The following SLC14A2 variants were observed in gnomAD, a reference collection of about 807,000 sequenced individuals.
The protein encoded by SLC14A2 is urea transporter 2.
Under a neutral mutation model 104.6 loss-of-function variants are expected in SLC14A2, and 91 were observed. The ratio of observed to expected loss-of-function variants is 0.87; its 90% confidence interval spans 0.73 to 1.04. SLC14A2 has a LOEUF of 1.04. Ranked by LOEUF, SLC14A2 falls within the 50% of genes least tolerant of loss-of-function variation. SLC14A2 has a pLI of 0.00. For synonymous variants in SLC14A2, 476 were observed against 466.4 expected (o/e 1.02, Z -0.27); for missense variants, 1,189 against 1,156.0 (o/e 1.03, Z -0.41).
chr18:45,270,982 T>A (rs2084645372), intron 1 of SLC14A2, among the ~76,000 whole-genome samples: 1 of 152,184 alleles, frequency 6.6e-6, no homozygotes, highest in Non-Finnish European at 1.5e-5. Flanking sequence ...TTCAGCAGGA[T>A]ATCAGTAAAT....
chr18:45,236,578 CAT>C (rs146423698), intron 1 of SLC14A2, among the ~76,000 whole-genome samples: 1,890 of 72,688 alleles, frequency 0.026, 278 homozygotes, highest in Non-Finnish European at 0.039. Context: ...TGTATATATA[CAT>C]ATATATATGG....
chr18:45,445,889 A>G (rs2542981), intron 1 of SLC14A2, among the ~76,000 whole-genome samples: 129,179 of 152,224 alleles, frequency 0.85, 54,832 homozygotes, highest in South Asian at 0.93. Flanking sequence ...CCACATTAGT[A>G]ACACGTGGAA....
At chr18:45,442,519 A>G (rs533386187) in intron 1 of SLC14A2, among the ~76,000 whole-genome samples, 1 of 152,322 alleles carries the variant, frequency 6.6e-6, no homozygotes, top group Non-Finnish European at 1.5e-5. Context: ...GTATGTCTCT[A>G]TATCCAAATT....
At chr18:45,342,951 T>C (rs1367856849) in intron 1 of SLC14A2, among the ~76,000 whole-genome samples, 1 of 152,164 alleles carries the variant, frequency 6.6e-6, no homozygotes, top group African/African-American at 2.4e-5. Context: ...TATTCAGACC[T>C]TTAATCAGTC....
chr18:45,612,312 T>C (rs574024504), upstream of SLC14A2, among the ~76,000 whole-genome samples: 4 of 152,344 alleles, frequency 2.6e-5, no homozygotes, highest in Non-Finnish European at 5.9e-5. Flanking sequence ...CAGAATATTA[T>C]GTGCCCATGA....
At chr18:45,297,748 C>G (rs1176882749) in intron 1 of SLC14A2, among the ~76,000 whole-genome samples, 1 of 152,152 alleles carries the variant, frequency 6.6e-6, no homozygotes, top group East Asian at 1.9e-4. Context: ...TGACCAGAGA[C>G]ACCATTCCCG....
chr18:45,664,675 AC>A (rs1444280801), intron 11 of SLC14A2, among the ~76,000 whole-genome samples: 2 of 152,150 alleles, frequency 1.3e-5, no homozygotes, highest in African/African-American at 4.8e-5. Context: ...TGCCTGAATG[AC>A]CTTCTTCCTC....
At position 45,625,768 on chromosome 18, in the gene SLC14A2, C is replaced by A; in HGVS notation, c.236C>A (p.Ala79Asp). 1 of 1,562,452 alleles carries A rather than the reference C, an allele frequency of 6.4e-7. No individual in the cohort carries two copies. The highest frequency in any genetic ancestry group is 2.5e-5 in the East Asian group (1 of 40,738). The change falls in exon 3 of 20, where the codon GCC becomes GAC. Residue 79 changes from alanine to aspartate, a missense_variant. Transcript: ENST00000255226. ...ERSKRKDDGV[A>D]HRDSAGQRCI... ...AGTAAAAGGAAAGACGACGGGGTGGCCCATCGGGACTCAGCAGGCCAAAGG... is the reference window on the plus strand; with the variant it reads ...AGTAAAAGGAAAGACGACGGGGTGGACCATCGGGACTCAGCAGGCCAAAGG...
At chr18:45,572,433 A>ATCTT (rs2044360899) in intron 2 of SLC14A2, among the ~76,000 whole-genome samples, 1 of 152,266 alleles carries the variant, frequency 6.6e-6, no homozygotes, top group South Asian at 2.1e-4. Context: ...TAGTCCCAAC[A>ATCTT]TCTTTTCCAA....
At chr18:45,177,548 C>G in the SLC14A2 span, among the ~76,000 whole-genome samples, 1 of 152,202 alleles carries the variant, frequency 6.6e-6, no homozygotes, top group East Asian at 1.9e-4. Flanking sequence ...TCCTGTTTCC[C>G]GCATCTGGAA....
chr18:45,427,815 G>C lies in SLC14A2; in HGVS notation c.-124-55418G>C, dbSNP rs150985193. Among the ~76,000 whole-genome samples the C allele has an allele frequency of 7.7e-4, 117 of 152,290 alleles. 1 individual carries two copies. Among genetic ancestry groups the C allele is most frequent in the Non-Finnish European group, 1.1e-3 (76 of 68,020 alleles). ...GTGTGTTACCAAGAGGACAGGGCAA[G>C]CAGGAGATCCTGGCATCAGGTTCTA... On this transcript the variant is annotated intron_variant, in intron 1 of 20. Coordinates refer to the SLC14A2 transcript ENST00000586448.
chr18:45,414,757 A>AAAAAAAAAAATAT (rs1360051908), intron 1 of SLC14A2, among the ~76,000 whole-genome samples: 48 of 76,078 alleles, frequency 6.3e-4, no homozygotes, highest in Non-Finnish European at 8.1e-4. Context: ...AAAAAAAAAA[A>AAAAAAAAAAATAT]ATATATATAT....
chr18:45,388,931 A>C (rs1212621855), intron 1 of SLC14A2, among the ~76,000 whole-genome samples: 1 of 152,252 alleles, frequency 6.6e-6, no homozygotes, highest in Non-Finnish European at 1.5e-5. Context: ...TGAAGATTTT[A>C]AAATATTGAA....
chr18:45,255,768 A>G (rs2084470902), intron 1 of SLC14A2, among the ~76,000 whole-genome samples: 1 of 152,062 alleles, frequency 6.6e-6, no homozygotes, highest in South Asian at 2.1e-4. Context: ...AGCAGGGGGA[A>G]AATATATATA....
At chr18:45,412,011 CT>C (rs1360850441) in intron 1 of SLC14A2, among the ~76,000 whole-genome samples, 1 of 152,202 alleles carries the variant, frequency 6.6e-6, no homozygotes, top group Non-Finnish European at 1.5e-5. Flanking sequence ...TTCCTTTCTC[CT>C]TCCATCCTGG....
chr18:45,611,247 T>A (rs1275485160), upstream of SLC14A2, among the ~76,000 whole-genome samples: 1 of 152,230 alleles, frequency 6.6e-6, no homozygotes, highest in Non-Finnish European at 1.5e-5. Flanking sequence ...AAGAAGCTCT[T>A]AGGACAGCAT....
chr18:45,407,494 G>A (rs937844111), intron 1 of SLC14A2, among the ~76,000 whole-genome samples: 6 of 152,228 alleles, frequency 3.9e-5, no homozygotes, highest in Non-Finnish European at 7.4e-5. Context: ...ATCATTCGTG[G>A]GTTCACTGGA....
chr18:45,370,665 G>A (rs1022224142), intron 1 of SLC14A2, among the ~76,000 whole-genome samples: 6 of 151,982 alleles, frequency 3.9e-5, no homozygotes, highest in Non-Finnish European at 7.4e-5. Context: ...TGCACTTCAC[G>A]CGGGACCCAT....
intron 1 of SLC14A2, among the ~76,000 whole-genome samples, chr18:45,219,689 T>C (rs2084043194): frequency 6.6e-6 from 1 of 152,252 alleles, no homozygotes; most frequent in South Asian, 2.1e-4. Context: ...AGTAAATTTC[T>C]TATTGTTTGT....
Sources: allele counts gnomAD v4.1 joint callset (sites outside exome capture counted in the v4.1 genomes callset), GRCh38; gene constraint gnomAD v4.1.1; transcripts MANE v1.5; gene names NCBI Gene and HGNC (gene_info 2026-07-23, HGNC 2026-07-21).